The following BRSK2 variants were observed in gnomAD, a reference collection of about 807,000 sequenced individuals.
BRSK2 encodes serine/threonine-protein kinase BRSK2.
BRSK2 carries 19 observed loss-of-function variants against 83.3 expected under a neutral mutation model. The observed-to-expected ratio is 0.23, with a 90% confidence interval of 0.16 to 0.33. The LOEUF (loss-of-function observed/expected upper bound fraction) is 0.33. Ranked by LOEUF, BRSK2 falls within the 10% of genes least tolerant of loss-of-function variation. BRSK2 has a pLI of 1.00. For synonymous variants in BRSK2, 519 were observed against 435.4 expected, an observed-to-expected ratio of 1.19 and a Z score of -2.39; for missense variants, 798 against 1,042.3, an observed-to-expected ratio of 0.77 and a Z score of 3.23.
intron 15 of BRSK2, among the ~76,000 whole-genome samples, chr11:1,452,137 C>G (rs1045584787): frequency 6.6e-6 from 1 of 152,306 alleles, no homozygotes; most frequent in Admixed American, 6.5e-5. Flanking sequence ...ACAGGAGACC[C>G]CGGGAAATGA....
intron 15 of BRSK2, among the ~76,000 whole-genome samples, chr11:1,452,746 A>G (rs573010262): frequency 6.6e-6 from 1 of 150,672 alleles, no homozygotes; most frequent in Admixed American, 6.6e-5. Flanking sequence ...CCACAGCCCC[A>G]CCCAAGGGCC....
At chr11:1,442,393 T>G in intron 4 of BRSK2, 97 bp from the exon 5 acceptor site, 1 of 866,242 alleles carries the variant, frequency 1.2e-6, no homozygotes, top group Non-Finnish European at 1.9e-6. Context: ...TGATTGGCGT[T>G]TGGAGAGGCA....
intron 1 of BRSK2, among the ~76,000 whole-genome samples, chr11:1,422,922 C>T (rs890838674): frequency 3.3e-5 from 5 of 152,200 alleles, no homozygotes; most frequent in African/African-American, 1.2e-4. Context: ...ATGTGGTGTC[C>T]GGAGGATGGA....
At chr11:1,457,831 G>C (rs1461532644) in intron 18 of BRSK2, among the ~76,000 whole-genome samples, 1 of 93,890 alleles carries the variant, frequency 1.1e-5, no homozygotes, top group Non-Finnish European at 2.7e-5. Flanking sequence ...CCTTGCTGCG[G>C]GCTGGGGGCT....
Position 1,445,447 on chromosome 11 carries a change from G to A in BRSK2, c.966G>A (p.Leu322=). 1.2e-6 allele frequency: 2 copies of A among 1,611,718 alleles called. 1 individual carries two copies. The highest frequency in any genetic ancestry group is 1.7e-6 in the Non-Finnish European group (2 of 1,179,618). ...ACCGCAACAAGCTGCTGCAGGACCT[G>A]CTGTCCGAGGAGTGCGTCTGGGGCT... ...FRDRNKLLQD[L]LSEEENQEKM... is the part of the protein sequence containing the mutation. Residue 322 remains leucine (L), a synonymous_variant, in exon 10 of 20, where the codon CTG becomes CTA. Transcript: ENST00000528841.
chr11:1,447,645 T>C (rs1339460827), intron 12 of BRSK2, among the ~76,000 whole-genome samples: 1 of 152,088 alleles, frequency 6.6e-6, no homozygotes, highest in African/African-American at 2.4e-5. Context: ...GTGCGGGGTG[T>C]GCTGTCTGGC....
chr11:1,449,755 C>A (rs1845572697), intron 12 of BRSK2, 21 bp from the exon 13 acceptor site: 2 of 1,610,140 alleles, frequency 1.2e-6, no homozygotes, highest in African/African-American at 2.7e-5. Context: ...GAGCAGTGGC[C>A]CTGTACCTTG....
At chr11:1,421,708 T>A (rs560234692) in intron 1 of BRSK2, among the ~76,000 whole-genome samples, 1 of 152,192 alleles carries the variant, frequency 6.6e-6, no homozygotes, top group Non-Finnish European at 1.5e-5. Flanking sequence ...TCGGGGCTGT[T>A]ACCGTGGGTG....
At chr11:1,404,691 G>A (rs1157870693) in intron 1 of BRSK2, among the ~76,000 whole-genome samples, 1 of 152,192 alleles carries the variant, frequency 6.6e-6, no homozygotes, top group African/African-American at 2.4e-5. Context: ...GTTTGGGAGG[G>A]TAGGAGCAAC....
At position 1,438,185 on chromosome 11, in the gene BRSK2, C is replaced by T. The variant is rs1850601540; in HGVS notation, c.187-121C>T. 3.6e-6 allele frequency: 3 copies of T among 822,676 alleles called. No homozygotes were observed. Among genetic ancestry groups the T allele is most frequent in the South Asian group, 3.3e-5 (2 of 60,516 alleles). 51.0% of individuals were successfully genotyped at this position (822,676 alleles called of 1,614,324 possible). A position where few individuals can be genotyped will look rare whatever the true frequency, so the allele number is the denominator to read the frequency against. On this transcript the variant is annotated intron_variant, in intron 2 of 19. Coordinates refer to ENST00000528841, the MANE Select transcript of BRSK2 (RefSeq NM_001256627.2). This position sits in a 1 kb window ranked among gnomAD's most constrained non-coding sequence, Gnocchi z 6.4. ...AGCTGGCACCAAAGGCCCCTGCGAC[C>T]CCCACAGCTGGCACCAAAGGCCCCT...
chr11:1,449,699 T>A, intron 12 of BRSK2, 77 bp from the exon 13 acceptor site: 1 of 1,331,736 alleles, frequency 7.5e-7, no homozygotes, highest in African/African-American at 1.5e-5. Context: ...AGGGTTTACC[T>A]GGGGGGAGCA....
chr11:1,428,913 G>C (rs564029637), intron 1 of BRSK2, among the ~76,000 whole-genome samples: 56 of 151,654 alleles, frequency 3.7e-4, no homozygotes, highest in African/African-American at 1.2e-3. Flanking sequence ...CTGGGTGCTT[G>C]TGTGCACTGG....
intron 1 of BRSK2, among the ~76,000 whole-genome samples, chr11:1,407,185 G>A (rs1003884101): frequency 1.3e-5 from 2 of 152,136 alleles, no homozygotes; most frequent in Non-Finnish European, 2.9e-5. Flanking sequence ...TGTGGTGTCT[G>A]CGTGGGTCCC....
Position 1,411,088 on chromosome 11 carries a change from T to C in BRSK2, c.91+20713T>C, listed in dbSNP as rs1847440068. On this transcript the variant is annotated intron_variant, in intron 1 of 19. Coordinates refer to ENST00000528841, the MANE Select transcript of BRSK2 (RefSeq NM_001256627.2). ...GCAGGAAGGAGGAGGGGGCGGGCTT[T>C]GGAGGAGGCAGCCCAGGTTTGGAGA... is the stretch of plus-strand genomic sequence containing the variant. The C allele has an allele frequency of 1.9e-5, 22 of 1,162,994 alleles. No homozygotes were observed. In the South Asian group the frequency reaches 3.5e-4, roughly 18 times the overall value. The allele number at this position is 1,162,994 out of a possible 1,614,324, so 72.0% of individuals were successfully genotyped here.
chr11:1,439,939 C>T (rs1224803164), intron 3 of BRSK2, among the ~76,000 whole-genome samples: 9 of 151,538 alleles, frequency 5.9e-5, no homozygotes, highest in African/African-American at 2.2e-4. Flanking sequence ...TGCTCCCATC[C>T]CCACACTGGG....
intron 1 of BRSK2, among the ~76,000 whole-genome samples, chr11:1,400,473 A>G (rs4074036): frequency 0.71 from 107,760 of 151,858 alleles, 38,748 homozygotes; most frequent in Non-Finnish European, 0.76. Flanking sequence ...GGCAGTGACC[A>G]CCTCTTCCAT....
In BRSK2 at chr11:1,390,417, G is replaced by C. The variant is rs1177350050; in HGVS notation, c.91+42G>C. ...CGGGGACCGGGGCCGGGGAGGCCGC[G>C]CTGGCAGCGCGCTGGGTGGGGGGCG... is the stretch of plus-strand genomic sequence containing the variant. On this transcript the variant is annotated intron_variant, in intron 1 of 19. Coordinates refer to ENST00000528841, the MANE Select transcript of BRSK2 (RefSeq NM_001256627.2). This position sits in a 1 kb window ranked among gnomAD's most constrained non-coding sequence, Gnocchi z 6.8. 2.0e-6 allele frequency: 2 copies of C among 992,010 alleles called. No homozygotes were observed. Among genetic ancestry groups the C allele is most frequent in the East Asian group, 1.1e-4 (1 of 9,518 alleles). 61.5% of individuals were successfully genotyped at this position (992,010 alleles called of 1,614,324 possible). A position where few individuals can be genotyped will look rare whatever the true frequency, so the allele number is the denominator to read the frequency against.
chr11:1,451,233 G>T, intron 14 of BRSK2, 138 bp from the exon 15 acceptor site: 1 of 960,620 alleles, frequency 1.0e-6, no homozygotes, highest in Non-Finnish European at 1.5e-6. Flanking sequence ...AGCTGGGGTG[G>T]ACCAGTGCCC....
At chr11:1,440,642 C>T (rs1851091969) in intron 3 of BRSK2, 146 bp from the exon 4 acceptor site, 1 of 894,702 alleles carries the variant, frequency 1.1e-6, no homozygotes. Context: ...ATAGTCAGGG[C>T]TCCTCTCAGC....
Sources: allele counts gnomAD v4.1 joint callset (sites outside exome capture counted in the v4.1 genomes callset), GRCh38; gene constraint gnomAD v4.1.1; non-coding constraint Gnocchi (gnomAD v3.1); transcripts MANE v1.5; gene names NCBI Gene and HGNC (gene_info 2026-07-23, HGNC 2026-07-21).